The following FBN2 variants were observed in gnomAD, a reference collection of about 807,000 sequenced individuals.
The protein encoded by FBN2 is fibrillin-2.
In FBN2, 105 loss-of-function variants were observed where a neutral mutation model predicts 355.6. The ratio of observed to expected loss-of-function variants is 0.30; its 90% CI spans 0.25 to 0.35. The LOEUF is 0.35. FBN2 is among the 10% of genes least tolerant of loss of function. FBN2 has a pLI of 1.00. For synonymous variants in FBN2, 1,350 were observed against 1,301.2 expected, an observed-to-expected ratio of 1.04 and a Z score of -0.81; for missense variants, 3,280 against 3,758.7, an observed-to-expected ratio of 0.87 and a Z score of 3.33.
At chr5:128,472,681 C>T (rs1754898173) in intron 5 of FBN2, among the ~76,000 whole-genome samples, 1 of 151,836 alleles carries the variant, frequency 6.6e-6, no homozygotes, top group South Asian at 2.1e-4. Flanking sequence ...ATCCCAGCTA[C>T]TCGGGAGGCT....
At chr5:128,437,027 C>T (rs1342881908) in intron 7 of FBN2, among the ~76,000 whole-genome samples, 2 of 152,118 alleles carry the variant, frequency 1.3e-5, no homozygotes, top group South Asian at 2.1e-4. Context: ...AGAGATCTCT[C>T]GTGATAGAAA....
chr5:128,508,305 A>C (rs1756017634), intron 5 of FBN2, among the ~76,000 whole-genome samples: 1 of 151,818 alleles, frequency 6.6e-6, no homozygotes, highest in South Asian at 2.1e-4. Flanking sequence ...ACCACTTTCT[A>C]TTTGTTTTCT....
At chr5:128,411,630 G>A (rs1357834977) in intron 7 of FBN2, among the ~76,000 whole-genome samples, 1 of 152,190 alleles carries the variant, frequency 6.6e-6, no homozygotes, top group East Asian at 1.9e-4. Context: ...TGCCAGTGGA[G>A]CTTGGGGTTT....
At chr5:128,433,529 G>T (rs1753679073) in intron 7 of FBN2, among the ~76,000 whole-genome samples, 2 of 152,108 alleles carry the variant, frequency 1.3e-5, no homozygotes, top group South Asian at 4.2e-4. Context: ...TTACTAATGG[G>T]AAAAGCAAAG....
In FBN2 at chr5:128,327,254, C is replaced by T. The variant is rs143490649; in HGVS notation, c.4471+1442G>A. 1.1e-3 allele frequency among the ~76,000 whole-genome samples: 162 copies of T among 152,306 alleles called. 1 individual carries two copies. Among genetic ancestry groups the T allele is most frequent in the African/African-American group, 3.1e-3 (127 of 41,568 alleles). Reference sequence around the variant, plus strand: ...TCAGTTTCCAACTTCATCTTCCCTACGGCCAACTGTTCATCCCCTTTTTCT... The same window carrying T: ...TCAGTTTCCAACTTCATCTTCCCTATGGCCAACTGTTCATCCCCTTTTTCT... On this transcript the variant is annotated intron_variant, in intron 34 of 64. Transcript: ENST00000262464.
At chr5:128,459,961 C>G (rs1353385353) in intron 6 of FBN2, among the ~76,000 whole-genome samples, 1 of 152,122 alleles carries the variant, frequency 6.6e-6, no homozygotes, top group East Asian at 1.9e-4. Flanking sequence ...AAGTTCTGAC[C>G]AGGGCAATCA....
chr5:128,364,476 A>C, intron 18 of FBN2, 124 bp downstream of exon 18: 1 of 1,007,952 alleles, frequency 9.9e-7, no homozygotes, highest in Non-Finnish European at 1.5e-6. Flanking sequence ...TCAATGTGTA[A>C]TATGAAGAAA....
At chr5:128,418,067 T>C (rs1753250413) in intron 7 of FBN2, among the ~76,000 whole-genome samples, 1 of 152,162 alleles carries the variant, frequency 6.6e-6, no homozygotes, top group Non-Finnish European at 1.5e-5. Flanking sequence ...GCTGTATGTG[T>C]CCACAGATTT....
intron 5 of FBN2, among the ~76,000 whole-genome samples, chr5:128,468,891 A>C (rs1754783162): frequency 6.6e-6 from 1 of 152,212 alleles, no homozygotes; most frequent in Non-Finnish European, 1.5e-5. Flanking sequence ...ACATGTTGAG[A>C]TTTGTGATAC....
Position 128,276,026 on chromosome 5 carries a change from C to G in FBN2, c.7594+12G>C. 6.2e-7 allele frequency: 1 copy of G among 1,613,438 alleles called. No homozygotes were observed. The highest frequency in any genetic ancestry group is 8.5e-7 in the Non-Finnish European group (1 of 1,179,486). ...AGACTAGGGTCACGATTGTCAGAGA[C>G]TCTTCACTCACCTTTGCATGTCTTT... is the stretch of plus-strand genomic sequence containing the variant. On this transcript the variant is annotated intron_variant, in intron 59 of 64. Coordinates refer to ENST00000262464, the MANE Select transcript of FBN2 (RefSeq NM_001999.4).
intron 41 of FBN2, 117 bp downstream of exon 41, chr5:128,309,130 G>C (rs1749964327): frequency 1.9e-6 from 2 of 1,064,538 alleles, no homozygotes; most frequent in Admixed American, 3.9e-5. Flanking sequence ...GATGCTCTTG[G>C]GAATTTTTGG....
intron 59 of FBN2, among the ~76,000 whole-genome samples, chr5:128,275,138 T>C (rs1231918699): frequency 6.6e-6 from 1 of 152,202 alleles, no homozygotes; most frequent in East Asian, 1.9e-4. Context: ...GCATTAATAT[T>C]AGAGGAAGCA....
At position 128,311,871 on chromosome 5, in the gene FBN2, T is replaced by G. The variant is rs768452057; in HGVS notation, c.4948+14A>C. On this transcript the variant is annotated intron_variant, in intron 38 of 64. Transcript: ENST00000262464. ...TACCTTGTTTGAATCTGGGTGACAA[T>G]GGGATTAGCTCACCTTCTAAAATGA... 1.0e-5 allele frequency: 16 copies of G among 1,589,968 alleles called. No homozygotes were observed. Among genetic ancestry groups the G allele is most frequent in the Non-Finnish European group, 1.3e-5 (15 of 1,158,234 alleles).
At chr5:128,269,210 T>C (rs1765200725) in intron 62 of FBN2, among the ~76,000 whole-genome samples, 1 of 150,624 alleles carries the variant, frequency 6.6e-6, no homozygotes, top group South Asian at 2.1e-4. Context: ...AGGCCAGGAG[T>C]TCGAAACCAG....
At chr5:128,335,690 T>G (rs960931076) in intron 28 of FBN2, 113 bp from the exon 29 acceptor site, 1 of 1,265,124 alleles carries the variant, frequency 7.9e-7, no homozygotes, top group African/African-American at 1.5e-5. Flanking sequence ...CCACTATGTG[T>G]GTTGATTGAA....
Position 128,364,740 on chromosome 5 carries a change from G to C in FBN2, c.2303-15C>G. 1.2e-6 allele frequency: 2 copies of C among 1,605,758 alleles called. No homozygotes were observed. Among genetic ancestry groups the C allele is most frequent in the Non-Finnish European group, 1.7e-6 (2 of 1,172,874 alleles). Reference sequence around the variant, plus strand: ...TTCATTGATATCTGCATTAAATATTGAAAGTTTAGTGCTATCAACAAACAT... The same window carrying C: ...TTCATTGATATCTGCATTAAATATTCAAAGTTTAGTGCTATCAACAAACAT... On this transcript the variant is annotated splice_polypyrimidine_tract_variant and intron_variant, in intron 17 of 64. Transcript: ENST00000262464.
In FBN2 at chr5:128,259,332, A is replaced by G; in HGVS notation, c.*123T>C. On this transcript the variant is annotated 3_prime_UTR_variant, in exon 65 of 65. Coordinates refer to ENST00000262464, the MANE Select transcript of FBN2 (RefSeq NM_001999.4). ...TGAGGGTCAACATTCAAAGTCTAAG[A>G]CAGGGAGGAAAGAAACAAGAGTTAT... The G allele has an allele frequency of 7.9e-7, 1 of 1,266,068 alleles. No homozygotes were observed. Among genetic ancestry groups the G allele is most frequent in the Non-Finnish European group, 1.2e-6 (1 of 868,614 alleles). 78.4% of individuals were successfully genotyped at this position (1,266,068 alleles called of 1,614,324 possible). A position where few individuals can be genotyped will look rare whatever the true frequency, so the allele number is the denominator to read the frequency against.
chr5:128,369,389 C>T (rs975842740), intron 15 of FBN2, 55 bp from the exon 16 acceptor site: 90 of 1,590,394 alleles, frequency 5.7e-5, no homozygotes, highest in South Asian at 2.1e-4. Context: ...AAAGAGATTT[C>T]GAAACAGAAG....
intron 18 of FBN2, among the ~76,000 whole-genome samples, 175 bp downstream of exon 18, chr5:128,364,425 T>C (rs950827085): frequency 6.6e-6 from 1 of 152,136 alleles, no homozygotes; most frequent in Non-Finnish European, 1.5e-5. Context: ...AAGAAGTCTG[T>C]TACTGTGTAA....
Sources: gnomAD v4.1 joint callset for allele counts (sites outside exome capture counted in the v4.1 genomes callset) on GRCh38, gnomAD v4.1.1 for gene constraint, MANE v1.5 for transcripts, NCBI Gene and HGNC (gene_info 2026-07-23, HGNC 2026-07-21) for gene names.